P2RY8: variants seen among roughly 807,000 people sequenced by gnomAD.
The protein encoded by P2RY8 is S-geranylgeranyl-glutathione receptor P2RY8.
Under a neutral mutation model 10.0 loss-of-function variants are expected in P2RY8, and 6 were observed. The observed-to-expected ratio is 0.60, with a 90% CI of 0.33 to 1.19. P2RY8 has a LOEUF of 1.19. Ranked by LOEUF, P2RY8 falls within the 50% of genes most tolerant of loss-of-function variation. P2RY8 has a pLI of 0.04. For synonymous variants in P2RY8, 276 were observed against 252.5 expected (o/e 1.09, Z -0.88); for missense variants, 456 against 542.0 (o/e 0.84, Z 1.58).
chrX:1,513,579 T>C lies in P2RY8; in HGVS notation c.-25+23342A>G, dbSNP rs193161478. ...TACAAGGACAGCTGTCATTGCATTT[T>C]GGGCCCACTCTAATCCAGAATGATC... On this transcript the variant is annotated intron_variant, in intron 1 of 1. Coordinates refer to ENST00000381297, the MANE Select transcript of P2RY8 (RefSeq NM_178129.5). Among the ~76,000 whole-genome samples, 64 of 151,704 alleles carry C rather than the reference T, an allele frequency of 4.2e-4. No individual in the cohort carries two copies. In the Middle Eastern group the frequency reaches 0.01, roughly 25 times the overall value.
intron 1 of P2RY8, among the ~76,000 whole-genome samples, chrX:1,536,165 G>T (rs2092524756): frequency 6.6e-6 from 1 of 152,134 alleles, no homozygotes. Flanking sequence ...TGAAAAAACT[G>T]CAATCTCAGG....
intron 1 of P2RY8, among the ~76,000 whole-genome samples, chrX:1,485,641 ATTAT>A (rs1177693039): frequency 2.7e-4 from 40 of 147,998 alleles, no homozygotes; most frequent in Non-Finnish European, 4.8e-4. Flanking sequence ...TATTACATAT[ATTAT>A]TTATATATAT....
chrX:1,473,320 G>A (rs1399487767), intron 1 of P2RY8, among the ~76,000 whole-genome samples: 1 of 145,046 alleles, frequency 6.9e-6, no homozygotes, highest in Non-Finnish European at 1.5e-5. Flanking sequence ...GGATGGGGAT[G>A]GGTAGATGGA....
At chrX:1,531,060 G>A (rs113173462) in intron 1 of P2RY8, among the ~76,000 whole-genome samples, 3,361 of 131,606 alleles carry the variant, frequency 0.026, 137 homozygotes, top group African/African-American at 0.085. Context: ...CTATCTGTCT[G>A]TCTGTCTGTC....
At chrX:1,479,535 A>G (rs750866044) in intron 1 of P2RY8, among the ~76,000 whole-genome samples, 1 of 152,394 alleles carries the variant, frequency 6.6e-6, no homozygotes, top group Admixed American at 6.5e-5. Context: ...TTCCACCTCG[A>G]GAAACTAGAA....
chrX:1,504,003 G>A (rs2092204868), intron 1 of P2RY8, among the ~76,000 whole-genome samples: 1 of 152,050 alleles, frequency 6.6e-6, no homozygotes, highest in South Asian at 2.1e-4. Flanking sequence ...TAAATAACCT[G>A]TAAAGGAACT....
intron 1 of P2RY8, among the ~76,000 whole-genome samples, chrX:1,520,700 G>T (rs1373411795): frequency 6.6e-6 from 1 of 150,692 alleles, no homozygotes; most frequent in African/African-American, 2.4e-5. Flanking sequence ...AATCTCCCTG[G>T]TCTCCAATAT....
chrX:1,470,837 ATT>A (rs1166098896), intron 1 of P2RY8, among the ~76,000 whole-genome samples: 15 of 129,482 alleles, frequency 1.2e-4, no homozygotes, highest in South Asian at 2.4e-4. Context: ...GTTCTTTCTG[ATT>A]TTTTTTTTTT....
Position 1,465,803 on chromosome X carries a change from G to A in P2RY8, c.756C>T (p.Pro252=). Residue 252 remains proline (P), a synonymous_variant, in exon 2 of 2, where the codon CCC becomes CCT. Transcript: ENST00000381297. The stretch of plus-strand genomic sequence containing the variant: ...TGTGCGCCAGGAGCACGAAGTTGTT[G>A]GGGGCGAAGCAGGTGACAAAGGCCA... The part of the protein sequence containing the change: ...VLLAFVTCFA[P]NNFVLLAHIV... 1.9e-6 allele frequency: 3 copies of A among 1,613,390 alleles called. No individual in the cohort carries two copies. Among genetic ancestry groups the A allele is most frequent in the Non-Finnish European group, 2.5e-6 (3 of 1,179,820 alleles).
At chrX:1,524,761 CCA>C (rs2092426516) in intron 1 of P2RY8, among the ~76,000 whole-genome samples, 1 of 97,892 alleles carries the variant, frequency 1.0e-5, no homozygotes, top group Admixed American at 9.9e-5. Flanking sequence ...ATCCATCCAT[CCA>C]TCCATCCATC....
intron 1 of P2RY8, among the ~76,000 whole-genome samples, chrX:1,470,524 CA>C (rs1305464720): frequency 3.3e-5 from 5 of 151,816 alleles, no homozygotes; most frequent in Non-Finnish European, 5.9e-5. Flanking sequence ...CATCTCAAAA[CA>C]AAACAAAAAC....
At chrX:1,467,706 T>G (rs1322356046) in intron 1 of P2RY8, among the ~76,000 whole-genome samples, 2 of 152,252 alleles carry the variant, frequency 1.3e-5, no homozygotes, top group African/African-American at 4.8e-5. Flanking sequence ...ATATGGGGTC[T>G]TGCCTTGTTG....
chrX:1,469,351 CAA>C (rs1255901933), intron 1 of P2RY8, among the ~76,000 whole-genome samples: 27 of 151,134 alleles, frequency 1.8e-4, no homozygotes, highest in Non-Finnish European at 1.6e-4. Context: ...TTTGTAGCCC[CAA>C]AAAGAGTTTC....
At chrX:1,522,365 A>G (rs2092399416) in intron 1 of P2RY8, among the ~76,000 whole-genome samples, 1 of 152,064 alleles carries the variant, frequency 6.6e-6, no homozygotes, top group Non-Finnish European at 1.5e-5. Flanking sequence ...TGCAGCCAAT[A>G]CCTCGATGTA....
chrX:1,521,278 C>T (rs1422593633), intron 1 of P2RY8, among the ~76,000 whole-genome samples: 1 of 152,018 alleles, frequency 6.6e-6, no homozygotes, highest in African/African-American at 2.4e-5. Flanking sequence ...CATCTCCTGA[C>T]CTCGTCATCC....
intron 1 of P2RY8, among the ~76,000 whole-genome samples, chrX:1,535,134 G>A (rs1287330941): frequency 6.7e-6 from 1 of 150,250 alleles, no homozygotes; most frequent in Non-Finnish European, 1.5e-5. Flanking sequence ...GCTGGCACCT[G>A]TCTGGCAGTG....
intron 1 of P2RY8, among the ~76,000 whole-genome samples, chrX:1,483,744 T>C (rs1234062511): frequency 2.0e-5 from 3 of 152,038 alleles, no homozygotes; most frequent in African/African-American, 7.2e-5. Context: ...AGGGGCTCCC[T>C]TAGACCCAGA....
intron 1 of P2RY8, among the ~76,000 whole-genome samples, chrX:1,514,666 CTTCCCTTCCT>C (rs1205241803): frequency 0.16 from 194 of 1,186 alleles, 88 homozygotes; most frequent in South Asian, 1. Flanking sequence ...CCTCCCTTCC[CTTCCCTTCCT>C]TTCCCTTCCC....
At chrX:1,467,731 C>T (rs1262410828) in intron 1 of P2RY8, among the ~76,000 whole-genome samples, 1 of 152,154 alleles carries the variant, frequency 6.6e-6, no homozygotes, top group Non-Finnish European at 1.5e-5. Context: ...GGCTGGAGGG[C>T]AGTAGTGCAA....
Sources: allele counts gnomAD v4.1 joint callset (sites outside exome capture counted in the v4.1 genomes callset), GRCh38; gene constraint gnomAD v4.1.1; transcripts MANE v1.5; gene names NCBI Gene and HGNC (gene_info 2026-07-23, HGNC 2026-07-21).